MOSPD1: variants seen among roughly 807,000 people sequenced by gnomAD.
The protein encoded by MOSPD1 is motile sperm domain containing 1.
A neutral mutation model predicts 16.7 loss-of-function variants in MOSPD1; 5 were observed. The ratio of observed to expected loss-of-function variants is 0.30; its 90% CI spans 0.16 to 0.63. The LOEUF (loss-of-function observed/expected upper bound fraction) is 0.63, where lower values mean the gene tolerates loss of function less well. Among genes scored for constraint, MOSPD1 ranks in the 30% least tolerant of loss-of-function variants. The pLI is 0.82. For missense variants in MOSPD1, 104 were observed against 153.6 expected, an observed-to-expected ratio of 0.68 and a Z score of 1.71; for synonymous variants, 67 against 59.2, an observed-to-expected ratio of 1.13 and a Z score of -0.61.
chrX:134,892,121 T>C (rs2082865620), intron 4 of MOSPD1, among the ~76,000 whole-genome samples: 2 of 111,802 alleles, frequency 1.8e-5, no homozygotes, highest in Admixed American at 1.9e-4. Context: ...AATTTGAGCC[T>C]GCCACACTAG....
At chrX:134,911,666 T>C (rs1423045067) in intron 1 of MOSPD1, among the ~76,000 whole-genome samples, 1 of 112,218 alleles carries the variant, frequency 8.9e-6, no homozygotes, top group African/African-American at 3.2e-5. Context: ...TTGAGTTTGG[T>C]TGGTGTGAAT....
intron 1 of MOSPD1, among the ~76,000 whole-genome samples, chrX:134,907,194 C>T (rs1242323649): frequency 2.7e-5 from 3 of 110,806 alleles, no homozygotes; most frequent in Admixed American, 9.7e-5. Context: ...CACTACTGCA[C>T]CCCAGCCTGG....
intron 4 of MOSPD1, among the ~76,000 whole-genome samples, chrX:134,892,851 C>T (rs1276687331): frequency 9.0e-6 from 1 of 111,232 alleles, no homozygotes; most frequent in East Asian, 2.8e-4. Flanking sequence ...TAGACTGCAC[C>T]ATTGTACTTC....
At chrX:134,906,806 T>C in intron 1 of MOSPD1, among the ~76,000 whole-genome samples, 1 of 111,760 alleles carries the variant, frequency 8.9e-6, no homozygotes, top group Non-Finnish European at 1.9e-5. Context: ...CTTTTCTAAT[T>C]TGACAGATGT....
At chrX:134,910,923 C>T (rs1465987381) in intron 1 of MOSPD1, among the ~76,000 whole-genome samples, 1 of 112,288 alleles carries the variant, frequency 8.9e-6, no homozygotes, top group Non-Finnish European at 1.9e-5. Context: ...TCAGAAATTC[C>T]GGGACTGGGG....
intron 1 of MOSPD1, among the ~76,000 whole-genome samples, chrX:134,902,362 G>A (rs1378199523): frequency 1.8e-5 from 2 of 108,550 alleles, no homozygotes; most frequent in Admixed American, 1.0e-4. Context: ...AGCCGAGATC[G>A]CTGGGCAACA....
intron 4 of MOSPD1, among the ~76,000 whole-genome samples, chrX:134,895,262 C>T (rs1194357430): frequency 1.8e-5 from 2 of 110,498 alleles, no homozygotes; most frequent in African/African-American, 6.6e-5. Flanking sequence ...GAGTTGGAGG[C>T]TGCAGAGAAC....
chrX:134,905,130 C>A (rs1052661851), intron 1 of MOSPD1, among the ~76,000 whole-genome samples: 10 of 109,603 alleles, frequency 9.1e-5, no homozygotes, highest in Admixed American at 2.0e-4. Flanking sequence ...GAGGTCGATG[C>A]GGGCAGATCA....
In MOSPD1 at chrX:134,888,883, A is replaced by C. The variant is rs6529647; in HGVS notation, c.*278T>G. On this transcript the variant is annotated 3_prime_UTR_variant, in exon 6 of 6. Coordinates refer to ENST00000370783, the MANE Select transcript of MOSPD1 (RefSeq NM_019556.3). Reference sequence around the variant, plus strand: ...TTAGAAAAAAAGGTGAGAAAATAACAAATGTTTTAAAGTTTCTTACACAAC... The same window carrying C: ...TTAGAAAAAAAGGTGAGAAAATAACCAATGTTTTAAAGTTTCTTACACAAC... 56,645 of 154,448 alleles carry C rather than the reference A, an allele frequency of 0.37. 7,945 individuals are homozygous for C. Among genetic ancestry groups the C allele is most frequent in the Middle Eastern group, 0.5 (206 of 415 alleles). The allele number at this position is 154,448 out of a possible 1,213,427, so 12.7% of individuals were successfully genotyped here.
intron 1 of MOSPD1, among the ~76,000 whole-genome samples, chrX:134,911,834 A>G (rs1356899078): frequency 1.8e-5 from 2 of 112,059 alleles, no homozygotes; most frequent in African/African-American, 6.5e-5. Flanking sequence ...CTTCATCACT[A>G]ATAACGTGGT....
chrX:134,891,015 T>A (rs2082860792), intron 5 of MOSPD1, among the ~76,000 whole-genome samples: 1 of 111,300 alleles, frequency 9.0e-6, no homozygotes, highest in African/African-American at 3.3e-5. Context: ...AAATAGTGAA[T>A]CAACAGGAAA....
chrX:134,892,214 T>C (rs1452876482), intron 4 of MOSPD1, among the ~76,000 whole-genome samples: 2 of 111,826 alleles, frequency 1.8e-5, no homozygotes, highest in African/African-American at 3.3e-5. Flanking sequence ...GCTATCAATT[T>C]TGAAAATGTT....
At chrX:134,889,591 T>C (rs916259010) in intron 5 of MOSPD1, among the ~76,000 whole-genome samples, 3 of 111,827 alleles carry the variant, frequency 2.7e-5, no homozygotes, top group Non-Finnish European at 5.6e-5. Context: ...GACAGAAGTA[T>C]GGCATTCCTA....
intron 3 of MOSPD1, among the ~76,000 whole-genome samples, chrX:134,898,231 C>T (rs754995393): frequency 1.8e-5 from 2 of 111,250 alleles, no homozygotes; most frequent in South Asian, 3.7e-4. Context: ...TTATTTTGTT[C>T]GTACTAGGGA....
chrX:134,891,382 G>GT (rs2082862157), intron 5 of MOSPD1, 97 bp downstream of exon 5: 1 of 858,478 alleles, frequency 1.2e-6, no homozygotes, highest in Admixed American at 3.2e-5. Flanking sequence ...TTCTTTACCT[G>GT]TTCTTTGGGA....
At chrX:134,892,474 T>C (rs1007480962) in intron 4 of MOSPD1, among the ~76,000 whole-genome samples, 3 of 112,437 alleles carry the variant, frequency 2.7e-5, no homozygotes, top group African/African-American at 9.7e-5. Flanking sequence ...GTCTCAATTA[T>C]GTAAACTGAG....
chrX:134,909,255 C>A, intron 1 of MOSPD1, among the ~76,000 whole-genome samples: 1 of 107,715 alleles, frequency 9.3e-6, no homozygotes, highest in East Asian at 3.0e-4. Context: ...GGGCGACAGG[C>A]GAGACTCCTC....
chrX:134,909,063 C>T (rs1020675354), intron 1 of MOSPD1, among the ~76,000 whole-genome samples: 2 of 109,745 alleles, frequency 1.8e-5, no homozygotes, highest in African/African-American at 6.6e-5. Context: ...ATCAGGAGAT[C>T]GAGACCATCC....
At position 134,900,736 on chromosome X, in the gene MOSPD1, C is replaced by CT. The variant is rs764421916; in HGVS notation, c.-101-1203dup. Among the ~76,000 whole-genome samples, 643 of 102,408 alleles carry CT rather than the reference C, an allele frequency of 6.3e-3. 4 individuals are homozygous for CT. Among genetic ancestry groups the CT allele is most frequent in the Non-Finnish European group, 8.8e-3 (440 of 49,799 alleles). The allele number at this position is 102,408 out of a possible 115,157, so 88.9% of individuals were successfully genotyped here. A position where few individuals can be genotyped will look rare whatever the true frequency, so the allele number is the denominator to read the frequency against. On this transcript the variant is annotated intron_variant, in intron 1 of 5. Transcript: ENST00000370783. ...TATTTACCAAGCACACCAAGTGTGC[C>CT]TTTTTTTTTTTTTAAGAGACAGGGT...
Sources: gnomAD v4.1 joint callset for allele counts (sites outside exome capture counted in the v4.1 genomes callset) on GRCh38, gnomAD v4.1.1 for gene constraint, MANE v1.5 for transcripts, NCBI Gene and HGNC (gene_info 2026-07-23, HGNC 2026-07-21) for gene names.